Variants in FARP1 observed in about 807,000 individuals in gnomAD.
FARP1 encodes FERM, ARH/RhoGEF and pleckstrin domain protein 1, also known as FERM, ARHGEF and pleckstrin domain-containing protein 1.
A neutral mutation model predicts 128.8 loss-of-function variants in FARP1; 52 were observed. The ratio of observed to expected loss-of-function variants is 0.40; its 90% CI spans 0.32 to 0.51. The LOEUF (loss-of-function observed/expected upper bound fraction) is 0.51. FARP1 is among the 20% of genes least tolerant of loss of function. FARP1 has a pLI of 0.45. For synonymous variants in FARP1, 580 were observed against 551.8 expected (o/e 1.05, Z -0.72); for missense variants, 1,333 against 1,367.9 (o/e 0.97, Z 0.40).
In FARP1 at chr13:98,176,902, G is replaced by T. The variant is rs768072038; in HGVS notation, c.-24+33410G>T. The T allele has an allele frequency of 3.1e-6, 5 of 1,605,774 alleles. No individual in the cohort carries two copies. The Admixed American group carries it at 5.0e-5, about 16-fold the overall frequency. The stretch of plus-strand genomic sequence containing the variant: ...CTTCTCGGTGTCCTGCTCGAAGTCA[G>T]CGGTGGCCCCCATGTCCTCTGGCCC... On this transcript the variant is annotated intron_variant, in intron 1 of 26. Transcript: ENST00000319562. This position sits in a 1 kb window ranked among gnomAD's most constrained non-coding sequence, Gnocchi z 6.2.
At chr13:98,386,029 T>A in intron 8 of FARP1, 1 of 532,420 alleles carries the variant, frequency 1.9e-6, no homozygotes, top group Admixed American at 3.3e-5. Flanking sequence ...GAATCCACAT[T>A]ACAGATTTGT....
intron 5 of FARP1, among the ~76,000 whole-genome samples, chr13:98,373,537 C>G (rs2761373): frequency 0.079 from 6,415 of 81,180 alleles, 426 homozygotes; most frequent in African/African-American, 0.3. Context: ...CAGACAGACA[C>G]ACACACACAC....
In FARP1 at chr13:98,315,648, C is replaced by T. The variant is rs528230850; in HGVS notation, c.172-28114C>T. On this transcript the variant is annotated intron_variant, in intron 2 of 26. Coordinates refer to ENST00000319562, the MANE Select transcript of FARP1 (RefSeq NM_005766.4). The stretch of plus-strand genomic sequence containing the variant: ...GAGTGCAGCAGTGGGTGGAGACGGC[C>T]GTGCTTAGGAGCTCACATCTGCTCG... 3.3e-5 allele frequency among the ~76,000 whole-genome samples: 5 copies of T among 152,178 alleles called. No individual in the cohort carries two copies. In the East Asian group the frequency reaches 5.8e-4, roughly 18 times the overall value.
chr13:98,296,730 C>T (rs1296149146), intron 2 of FARP1, among the ~76,000 whole-genome samples: 1 of 130,900 alleles, frequency 7.6e-6, no homozygotes, highest in Non-Finnish European at 1.5e-5. Flanking sequence ...CTCCCTCTGT[C>T]TGCCAGGCTA....
chr13:98,263,589 T>C (rs1883974594), intron 2 of FARP1, among the ~76,000 whole-genome samples: 1 of 152,238 alleles, frequency 6.6e-6, no homozygotes, highest in Non-Finnish European at 1.5e-5. Context: ...CATGATCCAG[T>C]GTGCAATTTC....
In FARP1 at chr13:98,446,647, C is replaced by CT; in HGVS notation, c.2905-16dup. The CT allele has an allele frequency of 6.2e-7, 1 of 1,612,990 alleles. No homozygotes were observed. Among genetic ancestry groups the CT allele is most frequent in the Non-Finnish European group, 8.5e-7 (1 of 1,179,126 alleles). ...AAGCTGACCCCGAAAAGCCACTTTG[C>CT]TTTGTTTCCCCTTTCCAGGACAATC... On this transcript the variant is annotated intron_variant, in intron 25 of 26. Coordinates refer to ENST00000319562, the MANE Select transcript of FARP1 (RefSeq NM_005766.4).
chr13:98,267,927 C>G (rs563734497), intron 2 of FARP1, among the ~76,000 whole-genome samples: 1 of 138,932 alleles, frequency 7.2e-6, no homozygotes, highest in Non-Finnish European at 1.6e-5. Flanking sequence ...AGGCCAGACA[C>G]GGATACTTAA....
At chr13:98,229,903 T>C (rs1395428256) in intron 2 of FARP1, among the ~76,000 whole-genome samples, 1 of 152,124 alleles carries the variant, frequency 6.6e-6, no homozygotes, top group African/African-American at 2.4e-5. Flanking sequence ...GTTAAGAATA[T>C]GAAATAAAAA....
intron 2 of FARP1, among the ~76,000 whole-genome samples, chr13:98,290,672 G>C (rs1220313829): frequency 1.3e-5 from 2 of 152,176 alleles, no homozygotes. Context: ...TAGTGGCCAG[G>C]AGACCAATGG....
At chr13:98,181,384 G>C (rs1383512876) in intron 1 of FARP1, among the ~76,000 whole-genome samples, 1 of 152,128 alleles carries the variant, frequency 6.6e-6, no homozygotes, top group African/African-American at 2.4e-5. Context: ...TAAGTGAATA[G>C]ACTTAAGTTT....
rs1341120899 is a variant in FARP1, at chr13:98,440,818, C to T, written c.2778C>T (p.Asp926=). 2.5e-6 allele frequency: 4 copies of T among 1,609,662 alleles called. No homozygotes were observed. The highest frequency in any genetic ancestry group is 3.4e-6 in the Non-Finnish European group (4 of 1,178,738). ...GCAACACCAGCGTCTCCATGGTGGA[C>T]TTCAGCATCGCAGTGGAGGTACGCA... The part of the protein sequence containing the change: ...WHRNTSVSMV[D]FSIAVENQLS... Residue 926 remains aspartate, a synonymous_variant, in exon 24 of 27, where the codon GAC becomes GAT. Coordinates refer to ENST00000319562, the MANE Select transcript of FARP1 (RefSeq NM_005766.4).
Position 98,446,082 on chromosome 13 carries a change from C to G in FARP1, c.2797-16C>G. ...AGGTGCCCGCTGTGCTTCTCACAGG[C>G]CTCCTTGCCTTTCAGAATCAGTTGT... On this transcript the variant is annotated splice_polypyrimidine_tract_variant and intron_variant, in intron 24 of 26. Transcript: ENST00000319562. 1 of 1,576,758 alleles carries G rather than the reference C, an allele frequency of 6.3e-7. No individual in the cohort carries two copies.
intron 1 of FARP1, among the ~76,000 whole-genome samples, chr13:98,208,114 T>G (rs1880406242): frequency 6.6e-6 from 1 of 151,598 alleles, no homozygotes; most frequent in East Asian, 1.9e-4. Context: ...ACCAAACAGA[T>G]TAGAAACAGA....
intron 2 of FARP1, among the ~76,000 whole-genome samples, chr13:98,311,740 C>CT (rs1490361549): frequency 2.0e-5 from 3 of 152,142 alleles, no homozygotes; most frequent in Non-Finnish European, 4.4e-5. Flanking sequence ...AGAACTCGTA[C>CT]TTTCAAAAAT....
intron 4 of FARP1, 107 bp from the exon 5 acceptor site, chr13:98,368,010 G>C: frequency 1.2e-6 from 1 of 829,070 alleles, no homozygotes; most frequent in Non-Finnish European, 1.9e-6. Flanking sequence ...TGTGCACTTG[G>C]CAGCTTGGAA....
chr13:98,181,820 C>T (rs1344171994), intron 1 of FARP1, among the ~76,000 whole-genome samples: 1 of 151,698 alleles, frequency 6.6e-6, no homozygotes, highest in African/African-American at 2.4e-5. Context: ...TTTTTTGAGC[C>T]CTGTCTAGAA....
intron 1 of FARP1, among the ~76,000 whole-genome samples, chr13:98,190,722 C>G (rs987812211): frequency 4.2e-5 from 6 of 142,484 alleles, no homozygotes; most frequent in African/African-American, 1.5e-4. Context: ...CCACCATGCC[C>G]AGCTTTTTAA....
chr13:98,392,878 A>G (rs898118600), intron 11 of FARP1, among the ~76,000 whole-genome samples: 2 of 151,940 alleles, frequency 1.3e-5, no homozygotes, highest in East Asian at 1.9e-4. Flanking sequence ...TGGACAGTCA[A>G]TGGTTAGTAT....
chr13:98,414,329 A>G (rs1276640425), intron 16 of FARP1, among the ~76,000 whole-genome samples: 1 of 151,712 alleles, frequency 6.6e-6, no homozygotes, highest in Admixed American at 6.6e-5. Flanking sequence ...GACCTGCAGT[A>G]GCCTTTCAAC....
Sources: allele counts gnomAD v4.1 joint callset (sites outside exome capture counted in the v4.1 genomes callset), GRCh38; gene constraint gnomAD v4.1.1; non-coding constraint Gnocchi (gnomAD v3.1); transcripts MANE v1.5; gene names NCBI Gene and HGNC (gene_info 2026-07-23, HGNC 2026-07-21).